RMND5A: variants seen among roughly 807,000 people sequenced by gnomAD.
RMND5A encodes required for meiotic nuclear division 5 homolog A.
RMND5A carries 17 observed loss-of-function variants against 49.7 expected under a neutral mutation model. The observed-to-expected ratio is 0.34, with a 90% CI of 0.23 to 0.51. RMND5A has a LOEUF of 0.51. Ranked by LOEUF, RMND5A falls within the 20% of genes least tolerant of loss-of-function variation. RMND5A has a pLI of 0.96. For missense variants in RMND5A, 255 were observed against 471.3 expected (o/e 0.54, Z 4.25); for synonymous variants, 156 against 167.7 (o/e 0.93, Z 0.54).
chr2:86,743,245 T>A (rs1681480760), intron 2 of RMND5A, among the ~76,000 whole-genome samples: 1 of 152,158 alleles, frequency 6.6e-6, no homozygotes. Flanking sequence ...TGGAAGTGGA[T>A]ATCAAGGGAA....
At chr2:86,721,967 T>A (rs1273268983) in intron 1 of RMND5A, among the ~76,000 whole-genome samples, 1 of 118,696 alleles carries the variant, frequency 8.4e-6, no homozygotes, top group Non-Finnish European at 1.7e-5. Context: ...AGCTTCTCAT[T>A]CTGGACACTG....
intron 2 of RMND5A, among the ~76,000 whole-genome samples, chr2:86,746,937 C>G (rs1276397588): frequency 3.3e-5 from 5 of 152,166 alleles, no homozygotes; most frequent in Admixed American, 3.3e-4. Flanking sequence ...ATGTCTACAT[C>G]AAAAAATGCA....
At chr2:86,766,466 C>T (rs936191060) in intron 6 of RMND5A, among the ~76,000 whole-genome samples, 3 of 151,978 alleles carry the variant, frequency 2.0e-5, no homozygotes, top group African/African-American at 7.2e-5. Context: ...GAGTTTGAGA[C>T]CAGCCTGGCC....
At chr2:86,758,089 T>C (rs1424623418) in intron 4 of RMND5A, among the ~76,000 whole-genome samples, 3 of 152,238 alleles carry the variant, frequency 2.0e-5, no homozygotes, top group Non-Finnish European at 4.4e-5. Flanking sequence ...TGTCCTTGGC[T>C]TGCCTTGGTC....
At chr2:86,767,275 G>A (rs1414218364) in intron 6 of RMND5A, among the ~76,000 whole-genome samples, 1 of 152,162 alleles carries the variant, frequency 6.6e-6, no homozygotes, top group Non-Finnish European at 1.5e-5. Context: ...TGTTGGCCAT[G>A]CTGGTCTCGA....
rs750600920 is a variant in RMND5A at position 86,773,306 on chromosome 2, T to C, written c.1113-42T>C. 4.2e-6 allele frequency: 5 copies of C among 1,198,002 alleles called. No individual in the cohort carries two copies. The East Asian group carries it at 1.2e-4, about 28-fold the overall frequency. The allele number at this position is 1,198,002 out of a possible 1,614,324, so 74.2% of individuals were successfully genotyped here. ...TAGATAAAAATTGAATACACAGTAC[T>C]GAGCCTGCTCCTTCACTCAGTGTTT... On this transcript the variant is annotated intron_variant, in intron 8 of 8. Transcript: ENST00000283632.
chr2:86,761,719 A>C (rs1196632150), intron 4 of RMND5A, among the ~76,000 whole-genome samples: 1 of 152,166 alleles, frequency 6.6e-6, no homozygotes, highest in Non-Finnish European at 1.5e-5. Flanking sequence ...GTATTCTATG[A>C]ATTTGGGTTT....
intron 2 of RMND5A, among the ~76,000 whole-genome samples, chr2:86,743,262 T>A (rs1339986800): frequency 6.6e-6 from 1 of 152,154 alleles, no homozygotes; most frequent in Non-Finnish European, 1.5e-5. Context: ...GGAACACATT[T>A]ATAATGAATA....
chr2:86,761,909 A>G (rs972974579), intron 4 of RMND5A, among the ~76,000 whole-genome samples: 1 of 152,182 alleles, frequency 6.6e-6, no homozygotes, highest in African/African-American at 2.4e-5. Context: ...TAAAAATTAT[A>G]TTTGTCTAAA....
At chr2:86,758,176 A>G (rs1229697702) in intron 4 of RMND5A, among the ~76,000 whole-genome samples, 1 of 152,156 alleles carries the variant, frequency 6.6e-6, no homozygotes, top group East Asian at 1.9e-4. Context: ...CAAGATAAAA[A>G]TACAGTGAAA....
rs1672583307 is a variant in RMND5A, at chr2:86,765,911, C to T, written c.741C>T (p.Asn247=). 1.9e-6 allele frequency: 3 copies of T among 1,614,130 alleles called. No homozygotes were observed. The highest frequency in any genetic ancestry group is 2.2e-5 in the South Asian group (2 of 91,084). ...SLVYLRQGIE[N]SPYVHLLDAN... ...TGTACCTGAGACAAGGGATTGAGAACTCACCATATGTTCACCTACTTGATG... is the reference window on the plus strand; with the variant it reads ...TGTACCTGAGACAAGGGATTGAGAATTCACCATATGTTCACCTACTTGATG... Residue 247 remains asparagine, a synonymous_variant, in exon 6 of 9, where the codon AAC becomes AAT. Transcript: ENST00000283632.
At chr2:86,767,053 G>A (rs1040014558) in intron 6 of RMND5A, among the ~76,000 whole-genome samples, 1 of 151,844 alleles carries the variant, frequency 6.6e-6, no homozygotes, top group Admixed American at 6.6e-5. Flanking sequence ...TACTTGTTTT[G>A]TTTGTTACTT....
At chr2:86,761,522 G>A (rs1398561554) in intron 4 of RMND5A, among the ~76,000 whole-genome samples, 1 of 152,114 alleles carries the variant, frequency 6.6e-6, no homozygotes, top group South Asian at 2.1e-4. Flanking sequence ...TTCAATGTTT[G>A]GGAGAGTTAA....
At chr2:86,752,412 C>T (rs1282842696) in intron 3 of RMND5A, among the ~76,000 whole-genome samples, 1 of 152,208 alleles carries the variant, frequency 6.6e-6, no homozygotes, top group Admixed American at 6.5e-5. Context: ...CCAGCTTAAA[C>T]GATTTTATCA....
intron 2 of RMND5A, among the ~76,000 whole-genome samples, chr2:86,750,092 G>C (rs1029438071): frequency 6.6e-6 from 1 of 152,214 alleles, no homozygotes; most frequent in South Asian, 2.1e-4. Context: ...GTCTAGTTAA[G>C]TTTATATATT....
chr2:86,763,755 G>A (rs1348648961), intron 4 of RMND5A, among the ~76,000 whole-genome samples: 2 of 151,936 alleles, frequency 1.3e-5, no homozygotes, highest in Non-Finnish European at 2.9e-5. Flanking sequence ...AAGCCTGGGT[G>A]GCAGAGTGAG....
At position 86,776,306 on chromosome 2, in the gene RMND5A, G is replaced by T. The variant is rs1672767732; in HGVS notation, c.*2895G>T. 1 of 152,136 alleles carries T rather than the reference G, an allele frequency of 6.6e-6. No homozygotes were observed. The highest frequency in any genetic ancestry group is 6.5e-5 in the Admixed American group (1 of 15,280). 9.4% of individuals were successfully genotyped at this position (152,136 alleles called of 1,614,324 possible). ...CTAATACATAAATGAACGGGTATTG[G>T]TGCCTCTTTATTTTAAAAAATTTGA... On this transcript the variant is annotated 3_prime_UTR_variant, in exon 9 of 9. Coordinates refer to ENST00000283632, the MANE Select transcript of RMND5A (RefSeq NM_022780.4).
intron 2 of RMND5A, among the ~76,000 whole-genome samples, chr2:86,744,132 G>T (rs1681497291): frequency 6.6e-6 from 1 of 152,074 alleles, no homozygotes; most frequent in South Asian, 2.1e-4. Context: ...CGTATTTTTG[G>T]CATCTACTTG....
intron 1 of RMND5A, 53 bp downstream of exon 1, chr2:86,720,862 T>TCCCGGC (rs1681195092): frequency 6.7e-7 from 1 of 1,482,106 alleles, no homozygotes; most frequent in East Asian, 2.6e-5. Flanking sequence ...CGAGCCCCGG[T>TCCCGGC]CCCGGCCCCG....
Sources: gnomAD v4.1 joint callset for allele counts (sites outside exome capture counted in the v4.1 genomes callset) on GRCh38, gnomAD v4.1.1 for gene constraint, MANE v1.5 for transcripts, NCBI Gene and HGNC (gene_info 2026-07-23, HGNC 2026-07-21) for gene names.